PTPRD: variants seen among roughly 807,000 people sequenced by gnomAD.
PTPRD encodes the protein protein tyrosine phosphatase receptor type D.
Under a neutral mutation model 214.5 loss-of-function variants are expected in PTPRD, and 34 were observed. That is an observed-to-expected ratio of 0.16 (90% CI 0.12 to 0.21). The LOEUF (loss-of-function observed/expected upper bound fraction) is 0.21. Among genes scored for constraint, PTPRD ranks in the 10% least tolerant of loss-of-function variants. The pLI is 1.00. For missense variants in PTPRD, 2,545 were observed against 2,398.7 expected, an observed-to-expected ratio of 1.06 and a Z score of -1.27; for synonymous variants, 1,128 against 845.7, an observed-to-expected ratio of 1.33 and a Z score of -5.79.
intron 2 of PTPRD, among the ~76,000 whole-genome samples, chr9:10,609,795 G>T (rs1236543357): frequency 6.6e-6 from 1 of 152,086 alleles, no homozygotes; most frequent in Non-Finnish European, 1.5e-5. Context: ...ATCATGCCTT[G>T]AGTTCCATAA....
At chr9:10,118,867 A>AAAATAAAT (rs144204787) in intron 3 of PTPRD, among the ~76,000 whole-genome samples, 3,034 of 143,696 alleles carry the variant, frequency 0.021, 28 homozygotes, top group African/African-American at 0.029. Context: ...AAATACACCA[A>AAAATAAAT]AAATAAATAA....
At chr9:9,443,145 T>C (rs142810672) in intron 8 of PTPRD, among the ~76,000 whole-genome samples, 2,569 of 152,230 alleles carry the variant, frequency 0.017, 45 homozygotes, top group African/African-American at 0.049. Flanking sequence ...CATTCTATGT[T>C]CTTAATATCC....
At chr9:8,364,573 A>G (rs917094066) in intron 39 of PTPRD, among the ~76,000 whole-genome samples, 1 of 152,212 alleles carries the variant, frequency 6.6e-6, no homozygotes, top group African/African-American at 2.4e-5. Context: ...CGGCAGATAC[A>G]CAAGGCAGCC....
At chr9:10,370,662 C>A (rs1013150784) in intron 2 of PTPRD, among the ~76,000 whole-genome samples, 33 of 152,078 alleles carry the variant, frequency 2.2e-4, no homozygotes, top group African/African-American at 7.9e-4. Context: ...ATTTAGAAAT[C>A]TTCAAAAATA....
chr9:10,277,638 G>A lies in PTPRD; in HGVS notation c.-545+63325C>T, dbSNP rs371166742. Among the ~76,000 whole-genome samples, 220 of 152,270 alleles carry A rather than the reference G, an allele frequency of 1.4e-3. 2 individuals carry two copies. The highest frequency in any genetic ancestry group is 5.1e-3 in the African/African-American group (214 of 41,558). On this transcript the variant is annotated intron_variant, in intron 3 of 45. Coordinates refer to ENST00000381196, the MANE Select transcript of PTPRD (RefSeq NM_002839.4). Reference sequence around the variant, plus strand: ...TCGAGGGTTAACTTTCCTGATTCTTGTATAACTACTGCTATCTGAGTTCTA... The same window carrying A: ...TCGAGGGTTAACTTTCCTGATTCTTATATAACTACTGCTATCTGAGTTCTA...
intron 2 of PTPRD, among the ~76,000 whole-genome samples, chr9:10,386,305 A>G (rs1171698724): frequency 1.3e-5 from 2 of 151,868 alleles, no homozygotes; most frequent in South Asian, 2.1e-4. Context: ...TCCTTTCCAC[A>G]TTGCTATACA....
intron 33 of PTPRD, among the ~76,000 whole-genome samples, chr9:8,455,573 C>G (rs575771698): frequency 4.8e-4 from 73 of 152,238 alleles, no homozygotes; most frequent in Non-Finnish European, 8.7e-4. Flanking sequence ...GCTGGAATAT[C>G]TGGCCCTGTG....
intron 2 of PTPRD, among the ~76,000 whole-genome samples, chr9:10,564,039 T>C (rs879830339): frequency 4.6e-5 from 7 of 151,796 alleles, no homozygotes; most frequent in Non-Finnish European, 1.0e-4. Context: ...AGGATCTTGC[T>C]CTGTTACACA....
intron 2 of PTPRD, among the ~76,000 whole-genome samples, chr9:10,389,762 A>G (rs1294651499): frequency 6.6e-6 from 1 of 151,772 alleles, no homozygotes; most frequent in Non-Finnish European, 1.5e-5. Context: ...ACCACATAAA[A>G]TACTTTACAA....
chr9:8,589,819 T>C (rs1325001532), intron 14 of PTPRD, among the ~76,000 whole-genome samples: 1 of 152,188 alleles, frequency 6.6e-6, no homozygotes, highest in South Asian at 2.1e-4. Flanking sequence ...CAACCTGTTA[T>C]AATGTTTTGT....
At chr9:8,804,857 T>C (rs1247599469) in intron 11 of PTPRD, among the ~76,000 whole-genome samples, 1 of 152,168 alleles carries the variant, frequency 6.6e-6, no homozygotes, top group African/African-American at 2.4e-5. Context: ...CTCATAAAAA[T>C]AGCTTGTGTT....
At chr9:10,207,845 A>T (rs192703595) in intron 3 of PTPRD, among the ~76,000 whole-genome samples, 22 of 152,216 alleles carry the variant, frequency 1.4e-4, no homozygotes, top group Middle Eastern at 3.4e-3. Context: ...CTCGTATGGA[A>T]GCAAAACAAC....
intron 9 of PTPRD, among the ~76,000 whole-genome samples, chr9:9,360,075 A>G (rs1383427842): frequency 6.6e-6 from 1 of 151,308 alleles, no homozygotes; most frequent in Non-Finnish European, 1.5e-5. Flanking sequence ...GTCAGATTTC[A>G]TAACAAAAAT....
At chr9:9,613,265 A>G (rs1264085662) in intron 7 of PTPRD, among the ~76,000 whole-genome samples, 4 of 151,208 alleles carry the variant, frequency 2.6e-5, no homozygotes, top group Non-Finnish European at 4.4e-5. Flanking sequence ...CTTTTCGATT[A>G]CATTGATAAT....
In PTPRD at chr9:9,466,620, T is replaced by G. The variant is rs116639044; in HGVS notation, c.-236-69138A>C. On this transcript the variant is annotated intron_variant, in intron 8 of 45. Transcript: ENST00000381196. ...TGACCAAGCCTTCCCCATTTCTCCT[T>G]GAATGTGTTTAGTAAGACTTAGGGA... 3.6e-3 allele frequency among the ~76,000 whole-genome samples: 552 copies of G among 152,310 alleles called. 3 individuals are homozygous for G. The highest frequency in any genetic ancestry group is 0.013 in the African/African-American group (524 of 41,570).
chr9:9,011,754 T>C (rs1259856571), intron 11 of PTPRD, among the ~76,000 whole-genome samples: 1 of 152,180 alleles, frequency 6.6e-6, no homozygotes, highest in Non-Finnish European at 1.5e-5. Flanking sequence ...CTTTCTCTGA[T>C]GTGATTTTCA....
At chr9:8,354,312 A>T (rs1297709744) in intron 39 of PTPRD, among the ~76,000 whole-genome samples, 1 of 152,158 alleles carries the variant, frequency 6.6e-6, no homozygotes, top group Admixed American at 6.5e-5. Context: ...AATAAACAGA[A>T]AAACTTTATG....
At chr9:9,231,614 A>G (rs1369546949) in intron 9 of PTPRD, among the ~76,000 whole-genome samples, 1 of 152,320 alleles carries the variant, frequency 6.6e-6, no homozygotes, top group South Asian at 2.1e-4. Flanking sequence ...GGTATATGCC[A>G]AAGTCAGCTT....
intron 5 of PTPRD, among the ~76,000 whole-genome samples, chr9:9,817,145 G>C (rs892268273): frequency 6.6e-6 from 1 of 152,032 alleles, no homozygotes; most frequent in Non-Finnish European, 1.5e-5. Flanking sequence ...TCATGAGGGA[G>C]ACAAGTCATA....
Sources: allele counts gnomAD v4.1 joint callset (sites outside exome capture counted in the v4.1 genomes callset), GRCh38; gene constraint gnomAD v4.1.1; transcripts MANE v1.5; gene names NCBI Gene and HGNC (gene_info 2026-07-23, HGNC 2026-07-21).